BRWD3: variants seen among roughly 807,000 people sequenced by gnomAD.
The protein encoded by BRWD3 is bromodomain and WD repeat-containing protein 3.
Under a neutral mutation model 149.7 loss-of-function variants are expected in BRWD3, and 10 were observed. The ratio of observed to expected loss-of-function variants is 0.07; its 90% CI spans 0.04 to 0.11. The LOEUF is 0.11. Among genes scored for constraint, BRWD3 ranks in the 10% least tolerant of loss-of-function variants. The pLI is 1.00. For missense variants in BRWD3, 940 were observed against 1,373.2 expected (o/e 0.68, Z 4.99); for synonymous variants, 504 against 456.7 (o/e 1.10, Z -1.32).
intron 31 of BRWD3, among the ~76,000 whole-genome samples, chrX:80,690,755 C>T (rs1431439174): frequency 9.0e-6 from 1 of 111,656 alleles, no homozygotes; most frequent in Non-Finnish European, 1.9e-5. Flanking sequence ...ATTTGTAGCA[C>T]CTTAATAACG....
At chrX:80,764,463 G>A (rs1318898463) in intron 6 of BRWD3, among the ~76,000 whole-genome samples, 1 of 106,603 alleles carries the variant, frequency 9.4e-6, no homozygotes. Flanking sequence ...CTGCCACCAC[G>A]CCTGGATAAT....
intron 6 of BRWD3, among the ~76,000 whole-genome samples, chrX:80,765,872 C>A (rs1458021851): frequency 9.0e-6 from 1 of 111,421 alleles, no homozygotes; most frequent in African/African-American, 3.3e-5. Flanking sequence ...GAAATTATGA[C>A]CTTGCAATTA....
intron 20 of BRWD3, among the ~76,000 whole-genome samples, chrX:80,712,729 G>A (rs1229051816): frequency 1.9e-5 from 2 of 107,255 alleles, no homozygotes; most frequent in Admixed American, 9.8e-5. Flanking sequence ...GCCGCCCATC[G>A]TCTGAGATGT....
intron 6 of BRWD3, among the ~76,000 whole-genome samples, chrX:80,764,543 G>A (rs776525446): frequency 9.2e-6 from 1 of 108,434 alleles, no homozygotes; most frequent in Non-Finnish European, 1.9e-5. Flanking sequence ...TCGATCTCCT[G>A]ACCTCGTGAT....
chrX:80,808,749 A>T, intron 3 of BRWD3, 151 bp from the exon 4 acceptor site: 1 of 230,831 alleles, frequency 4.3e-6, no homozygotes, highest in Admixed American at 6.4e-5. Flanking sequence ...GCTCAGAGCT[A>T]GACAAGTATA....
At chrX:80,778,494 T>C (rs2074021866) in intron 6 of BRWD3, among the ~76,000 whole-genome samples, 1 of 111,751 alleles carries the variant, frequency 8.9e-6, no homozygotes, top group South Asian at 3.7e-4. Flanking sequence ...TGACCAAATA[T>C]AGTCTTAAAG....
chrX:80,796,375 C>T (rs1345938996), intron 4 of BRWD3, among the ~76,000 whole-genome samples: 1 of 111,121 alleles, frequency 9.0e-6, no homozygotes, highest in Non-Finnish European at 1.9e-5. Context: ...GTGATCCACC[C>T]GCCTCAGCCT....
chrX:80,789,270 G>C, intron 6 of BRWD3, among the ~76,000 whole-genome samples: 1 of 112,437 alleles, frequency 8.9e-6, no homozygotes, highest in East Asian at 2.8e-4. Context: ...CAAACAGAAG[G>C]GTTTATAACC....
At chrX:80,684,777 C>G (rs1222813536) in intron 36 of BRWD3, among the ~76,000 whole-genome samples, 2 of 110,785 alleles carry the variant, frequency 1.8e-5, no homozygotes, top group Non-Finnish European at 3.8e-5. Flanking sequence ...AAAGATTTTC[C>G]TAGGGTTATC....
At chrX:80,788,030 G>A (rs1602436865) in intron 6 of BRWD3, among the ~76,000 whole-genome samples, 1 of 109,800 alleles carries the variant, frequency 9.1e-6, no homozygotes, top group East Asian at 2.8e-4. Context: ...CTTGCAGTGA[G>A]CCGAGACTGC....
At position 80,723,528 on chromosome X, in the gene BRWD3, T is replaced by C. The variant is rs62605575; in HGVS notation, c.1650+220A>G. ...GGATTTCCTAAGGAATGTTTATATC[T>C]TCATCACCCTATAACTTATCTCTAT... On this transcript the variant is annotated intron_variant, in intron 16 of 40. Coordinates refer to ENST00000373275, the MANE Select transcript of BRWD3 (RefSeq NM_153252.5). 0.12 allele frequency among the ~76,000 whole-genome samples: 13,640 copies of C among 109,629 alleles called. 719 individuals carry two copies. Among genetic ancestry groups the C allele is most frequent in the South Asian group, 0.42 (1,004 of 2,415 alleles).
chrX:80,671,622 T>G lies in BRWD3; in HGVS notation c.*4987A>C, dbSNP rs2072323808. 8.9e-6 allele frequency: 1 copy of G among 112,161 alleles called. No individual in the cohort carries two copies. The highest frequency in any genetic ancestry group is 3.2e-5 in the African/African-American group (1 of 30,877). The allele number at this position is 112,161 out of a possible 1,213,427, so 9.2% of individuals were successfully genotyped here. A position where few individuals can be genotyped will look rare whatever the true frequency, so the allele number is the denominator to read the frequency against. ...ACAAATTAGTCCAGTTTTTTTGTCT[T>G]TGAAGATAATTGCTTATAATGACTG... On this transcript the variant is annotated 3_prime_UTR_variant, in exon 41 of 41. Coordinates refer to ENST00000373275, the MANE Select transcript of BRWD3 (RefSeq NM_153252.5).
rs191312245 is a variant in BRWD3 at position 80,686,607 on chromosome X, T to A, written c.4005+256A>T. Among the ~76,000 whole-genome samples the A allele has an allele frequency of 4.7e-3, 523 of 110,699 alleles. 1 individual carries two copies. The highest frequency in any genetic ancestry group is 0.017 in the African/African-American group (506 of 30,530). Reference sequence around the variant, plus strand: ...GTTAGTAAAATGTATTAAATAAACGTCTGAAATAAAAGTCGGAAAGAACAG... The same window carrying A: ...GTTAGTAAAATGTATTAAATAAACGACTGAAATAAAAGTCGGAAAGAACAG... On this transcript the variant is annotated intron_variant, in intron 35 of 40. Transcript: ENST00000373275.
In BRWD3 at chrX:80,692,961, G is replaced by T; in HGVS notation, c.3242C>A (p.Ser1081Tyr). The T allele has an allele frequency of 8.3e-7, 1 of 1,208,194 alleles. No homozygotes were observed. Among genetic ancestry groups the T allele is most frequent in the Non-Finnish European group, 1.1e-6 (1 of 892,270 alleles). The change falls in exon 28 of 41, where the codon TCT becomes TAT. Residue 1081 changes from serine to tyrosine, a missense_variant. Transcript: ENST00000373275. ...TTACTGAACACTGTAACACTGGAAA[G>T]AACTATCAGGATACTCTGGTTGAAA... is the stretch of plus-strand genomic sequence containing the variant. ...QPFQPEYPDSSFQCYSVHWDN... is the reference protein window; with the variant it reads ...QPFQPEYPDSYFQCYSVHWDN...
At chrX:80,760,793 G>GA (rs2073794552) in intron 6 of BRWD3, among the ~76,000 whole-genome samples, 1 of 111,042 alleles carries the variant, frequency 9.0e-6, no homozygotes, top group Admixed American at 9.6e-5. Flanking sequence ...CATTATTTTA[G>GA]AAAAAAATTA....
chrX:80,809,316 G>T lies in BRWD3; in HGVS notation c.32-12C>A. 8.4e-7 allele frequency: 1 copy of T among 1,188,832 alleles called. No homozygotes were observed. The highest frequency in any genetic ancestry group is 1.1e-6 in the Non-Finnish European group (1 of 881,636). On this transcript the variant is annotated splice_polypyrimidine_tract_variant and intron_variant, in intron 1 of 40. Transcript: ENST00000373275. ...CAGGTAATACAGCTCTGGGGAAGAGGGGGGAAAAGAGGTTCAGAGGGAGGT... is the reference window on the plus strand; with the variant it reads ...CAGGTAATACAGCTCTGGGGAAGAGTGGGGAAAAGAGGTTCAGAGGGAGGT...
At chrX:80,723,496 C>T (rs944571854) in intron 16 of BRWD3, among the ~76,000 whole-genome samples, 1 of 110,496 alleles carries the variant, frequency 9.1e-6, no homozygotes, top group African/African-American at 3.3e-5. Flanking sequence ...GTATAATATA[C>T]GCAAAAGGAT....
At chrX:80,702,953 GT>G (rs987286354) in intron 24 of BRWD3, among the ~76,000 whole-genome samples, 4 of 111,456 alleles carry the variant, frequency 3.6e-5, no homozygotes, top group African/African-American at 1.3e-4. Context: ...TAAACTGAAA[GT>G]TTTTTACCAG....
intron 4 of BRWD3, among the ~76,000 whole-genome samples, chrX:80,801,977 C>A (rs1298659410): frequency 1.8e-5 from 2 of 111,680 alleles, no homozygotes; most frequent in Non-Finnish European, 3.8e-5. Context: ...AATACTACAC[C>A]AGTGTTACAC....
Sources: gnomAD v4.1 joint callset for allele counts (sites outside exome capture counted in the v4.1 genomes callset) on GRCh38, gnomAD v4.1.1 for gene constraint, MANE v1.5 for transcripts, NCBI Gene and HGNC (gene_info 2026-07-23, HGNC 2026-07-21) for gene names.